The following PKNOX2 variants were observed in gnomAD, a reference collection of about 807,000 sequenced individuals.
PKNOX2 encodes the protein PBX/knotted 1 homeobox 2, also known as homeobox protein PKNOX2.
A neutral mutation model predicts 53.1 loss-of-function variants in PKNOX2; 14 were observed. The observed-to-expected ratio is 0.26, with a 90% CI of 0.17 to 0.41. PKNOX2 has a LOEUF of 0.41. Ranked by LOEUF, PKNOX2 falls within the 10% of genes least tolerant of loss-of-function variation. The pLI, the probability that PKNOX2 is intolerant of heterozygous loss-of-function variation, is 1.00. For synonymous variants in PKNOX2, 257 were observed against 242.8 expected, an observed-to-expected ratio of 1.06 and a Z score of -0.54; for missense variants, 496 against 602.8, an observed-to-expected ratio of 0.82 and a Z score of 1.85.
chr11:125,384,410 G>C (rs149935356), intron 5 of PKNOX2, among the ~76,000 whole-genome samples: 1 of 152,192 alleles, frequency 6.6e-6, no homozygotes, highest in Non-Finnish European at 1.5e-5. Flanking sequence ...GAGCCAGGCC[G>C]GGTGGTGGCT....
At chr11:125,401,766 A>AGTATGT (rs1555170946) in intron 7 of PKNOX2, among the ~76,000 whole-genome samples, 1 of 149,194 alleles carries the variant, frequency 6.7e-6, no homozygotes, top group African/African-American at 2.5e-5. Context: ...GGAGCTTGTG[A>AGTATGT]GTGTGTGTGT....
chr11:125,244,085 C>A (rs1218802550), intron 2 of PKNOX2, among the ~76,000 whole-genome samples: 1 of 152,226 alleles, frequency 6.6e-6, no homozygotes, highest in East Asian at 1.9e-4. Context: ...AAGATTGGAG[C>A]TTCTGAAGCA....
At chr11:125,257,297 G>A (rs1370099279) in intron 2 of PKNOX2, among the ~76,000 whole-genome samples, 1 of 152,172 alleles carries the variant, frequency 6.6e-6, no homozygotes, top group East Asian at 1.9e-4. Context: ...GTAGGGGAGA[G>A]GGGAGAGGGG....
intron 6 of PKNOX2, 84 bp from the exon 7 acceptor site, chr11:125,397,790 C>A: frequency 7.1e-7 from 1 of 1,399,750 alleles, no homozygotes; most frequent in Non-Finnish European, 9.8e-7. Flanking sequence ...GCTCCCCTCC[C>A]CTGGGGTGGT....
At chr11:125,408,831 G>A (rs1344224049) in intron 7 of PKNOX2, among the ~76,000 whole-genome samples, 1 of 152,046 alleles carries the variant, frequency 6.6e-6, no homozygotes, top group African/African-American at 2.4e-5. Context: ...ACAGATTTCC[G>A]GGCTCAAAAC....
chr11:125,204,953 T>G (rs925744834), intron 1 of PKNOX2, among the ~76,000 whole-genome samples: 2 of 152,218 alleles, frequency 1.3e-5, no homozygotes, highest in Non-Finnish European at 2.9e-5. Flanking sequence ...ATGAGCACCA[T>G]GTCTGATCTT....
intron 1 of PKNOX2, among the ~76,000 whole-genome samples, chr11:125,176,201 A>G (rs2135232325): frequency 6.6e-6 from 1 of 152,254 alleles, no homozygotes; most frequent in South Asian, 2.1e-4. Flanking sequence ...AGGTTTTCCC[A>G]CCTAATCCAG....
At chr11:125,176,009 C>A (rs145307073) in intron 1 of PKNOX2, among the ~76,000 whole-genome samples, 2 of 152,274 alleles carry the variant, frequency 1.3e-5, no homozygotes, top group Non-Finnish European at 1.5e-5. Flanking sequence ...TCACTCACAG[C>A]GTGATGACAG....
chr11:125,234,439 A>AT (rs1369057395), intron 1 of PKNOX2, among the ~76,000 whole-genome samples: 14 of 152,294 alleles, frequency 9.2e-5, no homozygotes, highest in African/African-American at 4.8e-5. Context: ...AAGCAGGCAG[A>AT]TTTTTTTATC....
rs1943805403 is a variant in PKNOX2, at chr11:125,249,084, C to T, written c.-130+13969C>T. 2.7e-5 allele frequency among the ~76,000 whole-genome samples: 3 copies of T among 110,198 alleles called. No individual in the cohort carries two copies. The South Asian group carries it at 9.7e-4, about 36-fold the overall frequency. 72.3% of individuals were successfully genotyped at this position (110,198 alleles called of 152,430 possible). On this transcript the variant is annotated intron_variant, in intron 2 of 12. Coordinates refer to ENST00000298282, the MANE Select transcript of PKNOX2 (RefSeq NM_001382323.2). ...TATATATAACACATATATACACACA[C>T]ACATGTTTATATGTGTGCATCTTGA...
intron 1 of PKNOX2, among the ~76,000 whole-genome samples, chr11:125,167,823 C>T (rs1955006667): frequency 6.6e-6 from 1 of 152,164 alleles, no homozygotes; most frequent in Non-Finnish European, 1.5e-5. Context: ...AAAGAGGGAG[C>T]TTGCTGGATC....
At chr11:125,287,534 C>T (rs1387301629) in intron 2 of PKNOX2, among the ~76,000 whole-genome samples, 1 of 152,212 alleles carries the variant, frequency 6.6e-6, no homozygotes, top group African/African-American at 2.4e-5. Flanking sequence ...TAGGGCCTCA[C>T]CATTTCCTCT....
chr11:125,388,360 C>T (rs939317258), intron 6 of PKNOX2, among the ~76,000 whole-genome samples: 6 of 152,174 alleles, frequency 3.9e-5, no homozygotes, highest in Admixed American at 6.5e-5. Context: ...ACCCCGCACA[C>T]GTAGCCCAAC....
At chr11:125,200,069 T>C (rs917159292) in intron 1 of PKNOX2, among the ~76,000 whole-genome samples, 13 of 152,170 alleles carry the variant, frequency 8.5e-5, no homozygotes, top group Admixed American at 8.5e-4. Flanking sequence ...ACCAGTGGCC[T>C]CTTAGGGCTG....
At chr11:125,274,636 G>T (rs769900292) in intron 2 of PKNOX2, among the ~76,000 whole-genome samples, 4 of 152,254 alleles carry the variant, frequency 2.6e-5, no homozygotes, top group Non-Finnish European at 4.4e-5. Flanking sequence ...CAGCTAGGAG[G>T]ACTTGACCTG....
At chr11:125,382,959 G>A (rs115154281) in intron 5 of PKNOX2, among the ~76,000 whole-genome samples, 126 of 152,136 alleles carry the variant, frequency 8.3e-4, no homozygotes, top group African/African-American at 2.5e-3. Flanking sequence ...ACTGCACACC[G>A]AGTCTGCAGC....
chr11:125,394,453 A>T (rs1954264704), intron 6 of PKNOX2, among the ~76,000 whole-genome samples: 1 of 152,216 alleles, frequency 6.6e-6, no homozygotes. Flanking sequence ...CACTTGGTCT[A>T]ATTTAGTACT....
intron 6 of PKNOX2, 119 bp from the exon 7 acceptor site, chr11:125,397,755 A>T: frequency 9.7e-7 from 1 of 1,035,834 alleles, no homozygotes; most frequent in Non-Finnish European, 1.4e-6. Context: ...CAAGTGTAGG[A>T]AGCATGAGCT....
At chr11:125,184,252 A>C (rs972157599) in intron 1 of PKNOX2, 1 of 152,286 alleles carries the variant, frequency 6.6e-6, no homozygotes, top group Non-Finnish European at 1.5e-5. Flanking sequence ...AGTGGACTGC[A>C]AGGATAGGGG....
Sources: gnomAD v4.1 joint callset for allele counts (sites outside exome capture counted in the v4.1 genomes callset) on GRCh38, gnomAD v4.1.1 for gene constraint, MANE v1.5 for transcripts, NCBI Gene and HGNC (gene_info 2026-07-23, HGNC 2026-07-21) for gene names.